Variants in SPAG16 observed in about 807,000 individuals in gnomAD.
SPAG16 encodes the protein sperm-associated antigen 16 protein.
A neutral mutation model predicts 80.4 loss-of-function variants in SPAG16; 86 were observed. The ratio of observed to expected loss-of-function variants is 1.07; its 90% CI spans 0.90 to 1.28. The LOEUF is 1.28. SPAG16 is among the 50% of genes most tolerant of loss of function. The probability of loss-of-function intolerance (pLI) is 0.00; values close to 1 mark genes in which losing one functional copy is unlikely to be tolerated. For synonymous variants in SPAG16, 294 were observed against 265.9 expected (o/e 1.11, Z -1.03); for missense variants, 870 against 765.3 (o/e 1.14, Z -1.61).
intron 5 of SPAG16, among the ~76,000 whole-genome samples, chr2:213,326,680 T>G (rs1235750076): frequency 6.6e-6 from 1 of 152,010 alleles, no homozygotes; most frequent in Non-Finnish European, 1.5e-5. Flanking sequence ...ATTACTTTGA[T>G]TCAATTTTTT....
intron 13 of SPAG16, among the ~76,000 whole-genome samples, chr2:214,037,468 A>G (rs1301315250): frequency 1.3e-5 from 2 of 152,090 alleles, no homozygotes; most frequent in African/African-American, 2.4e-5. Context: ...AGAATGCCCA[A>G]TGAATGTTTG....
chr2:213,322,669 T>C (rs1274863213), intron 5 of SPAG16, among the ~76,000 whole-genome samples: 1 of 152,142 alleles, frequency 6.6e-6, no homozygotes, highest in African/African-American at 2.4e-5. Context: ...TACATGTGAA[T>C]ATTGACAAAT....
intron 14 of SPAG16, among the ~76,000 whole-genome samples, chr2:214,141,797 G>A (rs556463198): frequency 2.2e-4 from 34 of 152,152 alleles, no homozygotes; most frequent in African/African-American, 7.9e-4. Flanking sequence ...TTTTTCACTT[G>A]TAGGTAAATA....
intron 13 of SPAG16, among the ~76,000 whole-genome samples, chr2:214,063,764 C>T (rs1305326704): frequency 6.6e-6 from 1 of 152,076 alleles, no homozygotes; most frequent in East Asian, 1.9e-4. Context: ...CAAATGTCAC[C>T]ATTTCCATGA....
intron 9 of SPAG16, among the ~76,000 whole-genome samples, chr2:213,382,824 T>C (rs562017642): frequency 1.9e-4 from 29 of 152,284 alleles, no homozygotes; most frequent in African/African-American, 6.5e-4. Context: ...ATAAAGATGG[T>C]CAAGGTTACT....
intron 10 of SPAG16, among the ~76,000 whole-genome samples, chr2:213,822,900 A>G (rs878961316): frequency 2.0e-5 from 3 of 152,200 alleles, no homozygotes; most frequent in Admixed American, 1.3e-4. Context: ...TGCAAAGGAC[A>G]TGATCTGGTT....
intron 10 of SPAG16, among the ~76,000 whole-genome samples, chr2:213,740,409 A>G (rs1294505921): frequency 6.6e-6 from 1 of 152,176 alleles, no homozygotes; most frequent in African/African-American, 2.4e-5. Flanking sequence ...ATGGGAGTGG[A>G]CCAGAAAGGA....
chr2:214,198,391 A>G (rs1183723795), intron 15 of SPAG16, among the ~76,000 whole-genome samples: 2 of 152,134 alleles, frequency 1.3e-5, no homozygotes, highest in African/African-American at 4.8e-5. Flanking sequence ...CACTTAGAAT[A>G]ATGGCCTCCA....
chr2:214,243,527 A>G (rs1399913978), intron 15 of SPAG16, among the ~76,000 whole-genome samples: 1 of 152,046 alleles, frequency 6.6e-6, no homozygotes, highest in African/African-American at 2.4e-5. Context: ...TCTTTTTATA[A>G]TATCTTTGAT....
chr2:213,747,744 G>GGATACCATCTCAGAATACATCACCGTCTT (rs1362209050), intron 10 of SPAG16, among the ~76,000 whole-genome samples: 13 of 152,296 alleles, frequency 8.5e-5, no homozygotes, highest in South Asian at 2.1e-4. Context: ...GTTCGAAGAA[G>GGATACCATCTCAGAATACATCACCGTCTT]GATACCATCT....
intron 15 of SPAG16, among the ~76,000 whole-genome samples, chr2:214,160,339 AT>A (rs1371713811): frequency 2.0e-5 from 3 of 151,208 alleles, no homozygotes; most frequent in Admixed American, 6.6e-5. Flanking sequence ...TTTTTCTTGT[AT>A]TTATACTACT....
chr2:213,654,080 T>C (rs1244082043), intron 10 of SPAG16, among the ~76,000 whole-genome samples: 10 of 152,172 alleles, frequency 6.6e-5, no homozygotes, highest in Non-Finnish European at 1.3e-4. Flanking sequence ...GTAGTTTAAA[T>C]TGGAAAGATT....
intron 15 of SPAG16, among the ~76,000 whole-genome samples, chr2:214,262,777 A>G (rs1449540717): frequency 1.3e-5 from 2 of 152,128 alleles, no homozygotes; most frequent in Non-Finnish European, 2.9e-5. Flanking sequence ...ATAGACAATG[A>G]GTATCAAAGG....
intron 15 of SPAG16, among the ~76,000 whole-genome samples, chr2:214,291,053 A>C (rs1693755782): frequency 6.6e-6 from 1 of 152,070 alleles, no homozygotes; most frequent in Admixed American, 6.5e-5. Context: ...TGTTGGGTGT[A>C]TATATATTTA....
intron 9 of SPAG16, among the ~76,000 whole-genome samples, chr2:213,432,064 A>G (rs1405141291): frequency 6.6e-6 from 1 of 152,130 alleles, no homozygotes; most frequent in South Asian, 2.1e-4. Flanking sequence ...AAAACACAAC[A>G]TATCAAAACC....
chr2:213,348,269 G>T (rs1049479421), intron 6 of SPAG16, among the ~76,000 whole-genome samples: 6 of 152,048 alleles, frequency 3.9e-5, no homozygotes, highest in South Asian at 2.1e-4. Flanking sequence ...GCCTATGTGT[G>T]TCTCTGCATG....
chr2:214,167,833 T>A (rs1415929004), intron 15 of SPAG16, among the ~76,000 whole-genome samples: 2 of 151,464 alleles, frequency 1.3e-5, no homozygotes, highest in Non-Finnish European at 2.9e-5. Flanking sequence ...TTTAGTTATG[T>A]ACAGGGACAG....
chr2:214,165,098 G>A (rs946522931), intron 15 of SPAG16, among the ~76,000 whole-genome samples: 12 of 151,926 alleles, frequency 7.9e-5, no homozygotes, highest in Non-Finnish European at 1.2e-4. Flanking sequence ...ATTTAGAAGT[G>A]TTTAATTTTT....
At chr2:213,687,293 A>T (rs1025870087) in intron 10 of SPAG16, among the ~76,000 whole-genome samples, 2 of 152,148 alleles carry the variant, frequency 1.3e-5, no homozygotes, top group Non-Finnish European at 2.9e-5. Context: ...GTCATTTATC[A>T]CTTGAATGCA....
Sources: allele counts gnomAD v4.1 joint callset (sites outside exome capture counted in the v4.1 genomes callset), GRCh38; gene constraint gnomAD v4.1.1; transcripts MANE v1.5; gene names NCBI Gene and HGNC (gene_info 2026-07-23, HGNC 2026-07-21).